The following DENND5A variants were observed in gnomAD, a reference collection of about 807,000 sequenced individuals.
The protein encoded by DENND5A is DENN domain-containing protein 5A.
A neutral mutation model predicts 140.3 loss-of-function variants in DENND5A; 64 were observed. The observed-to-expected ratio is 0.46, with a 90% CI of 0.37 to 0.56. The LOEUF is 0.56. DENND5A is among the 20% of genes least tolerant of loss of function. The pLI, the probability that DENND5A is intolerant of heterozygous loss-of-function variation, is 0.00. For missense variants in DENND5A, 1,292 were observed against 1,593.8 expected (o/e 0.81, Z 3.22); for synonymous variants, 605 against 607.7 (o/e 1.00, Z 0.07).
At chr11:9,167,501 AAAAC>A (rs1397964193) in intron 10 of DENND5A, among the ~76,000 whole-genome samples, 2 of 151,764 alleles carry the variant, frequency 1.3e-5, no homozygotes, top group African/African-American at 2.4e-5. Context: ...AAGAAAAAGA[AAAAC>A]AGCCAGGAGC....
At position 9,150,198 on chromosome 11, in the gene DENND5A, T is replaced by G; in HGVS notation, c.2618A>C (p.Asn873Thr). 1 of 1,613,784 alleles carries G rather than the reference T, an allele frequency of 6.2e-7. No homozygotes were observed. Among genetic ancestry groups the G allele is most frequent in the Non-Finnish European group, 8.5e-7 (1 of 1,179,778 alleles). ...SLIQDMRHIQ[N>T]IGEIKTDVGK... ...CACATCAGTCTTGATTTCCCCGATG[T>G]TCTGGATGTGCCTGGAGGAAGAATG... is the stretch of plus-strand genomic sequence containing the variant. Residue 873 changes from asparagine (N) to threonine (T), a missense_variant, in exon 15 of 23, where the codon AAC (asparagine) becomes ACC (threonine). By Grantham distance (65) the Asn-to-Thr change is moderately conservative. Transcript: ENST00000328194.
At chr11:9,155,796 T>C (rs112077942) in intron 12 of DENND5A, among the ~76,000 whole-genome samples, 1 of 152,234 alleles carries the variant, frequency 6.6e-6, no homozygotes, top group Non-Finnish European at 1.5e-5. Flanking sequence ...TGGAAGCCCA[T>C]CTCCTTGGAA....
chr11:9,147,194 A>C (rs1048308701), intron 15 of DENND5A, 43 bp from the exon 16 acceptor site: 2 of 1,603,556 alleles, frequency 1.2e-6, no homozygotes, highest in Non-Finnish European at 1.7e-6. Flanking sequence ...ACCAAAAGGA[A>C]GGGAAAGAAA....
At chr11:9,153,646 G>A (rs568277867) in intron 12 of DENND5A, among the ~76,000 whole-genome samples, 1 of 152,186 alleles carries the variant, frequency 6.6e-6, no homozygotes, top group East Asian at 1.9e-4. Flanking sequence ...TAAGTTGTTA[G>A]TGCAGGCCAG....
At chr11:9,243,100 AAAAAC>A (rs1329749684) in intron 1 of DENND5A, among the ~76,000 whole-genome samples, 11 of 138,240 alleles carry the variant, frequency 8.0e-5, no homozygotes, top group East Asian at 2.0e-4. Flanking sequence ...AAAAAAAAAA[AAAAAC>A]AAAAAAAAAA....
At chr11:9,153,675 A>G (rs1413267336) in intron 12 of DENND5A, among the ~76,000 whole-genome samples, 1 of 152,188 alleles carries the variant, frequency 6.6e-6, no homozygotes, top group East Asian at 1.9e-4. Context: ...AGTCATCACT[A>G]TAACAAGGAT....
intron 1 of DENND5A, among the ~76,000 whole-genome samples, chr11:9,257,689 A>C (rs186929022): frequency 6.6e-6 from 1 of 150,870 alleles, no homozygotes; most frequent in Non-Finnish European, 1.5e-5. Flanking sequence ...TCACCGTGTT[A>C]GCCAGGATAG....
In DENND5A at chr11:9,204,288, C is replaced by T. The variant is rs761818075; in HGVS notation, c.321G>A (p.Lys107=). ...MLCMPKGLAF[K]TQADPREPQF... ...GGGGCTCCCTGGGATCAGCCTGGGTCTTGAATGCCAGCCCTTTCGGCATAC... is the reference window on the plus strand; with the variant it reads ...GGGGCTCCCTGGGATCAGCCTGGGTTTTGAATGCCAGCCCTTTCGGCATAC... Residue 107 remains lysine, a synonymous_variant, in exon 4 of 23, where the codon AAG becomes AAA. Coordinates refer to ENST00000328194, the MANE Select transcript of DENND5A (RefSeq NM_015213.4). 1.6e-5 allele frequency: 26 copies of T among 1,612,736 alleles called. No individual in the cohort carries two copies. In the Admixed American group the frequency reaches 4.2e-4, roughly 26 times the overall value.
chr11:9,201,466 T>C (rs1849521408), intron 4 of DENND5A, among the ~76,000 whole-genome samples: 1 of 149,780 alleles, frequency 6.7e-6, no homozygotes, highest in Admixed American at 6.6e-5. Context: ...AGCCCAGGAG[T>C]TTGAGACCAG....
chr11:9,177,328 C>T (rs1848578175), intron 8 of DENND5A, among the ~76,000 whole-genome samples: 1 of 150,966 alleles, frequency 6.6e-6, no homozygotes, highest in Admixed American at 6.6e-5. Context: ...ACCTTCCCCT[C>T]TTCTTGCCTC....
intron 5 of DENND5A, among the ~76,000 whole-genome samples, chr11:9,182,779 A>G (rs1169630654): frequency 6.6e-6 from 1 of 152,218 alleles, no homozygotes; most frequent in African/African-American, 2.4e-5. Context: ...GAGGAGGAAT[A>G]GAAAGAGACT....
At chr11:9,199,205 T>G (rs188785864) in intron 4 of DENND5A, among the ~76,000 whole-genome samples, 151 of 151,752 alleles carry the variant, frequency 1.0e-3, no homozygotes, top group African/African-American at 3.6e-3. Context: ...CTGCATATAA[T>G]TTTTAAATAA....
intron 1 of DENND5A, among the ~76,000 whole-genome samples, chr11:9,263,615 G>A (rs1238889975): frequency 6.8e-6 from 1 of 147,792 alleles, no homozygotes; most frequent in Non-Finnish European, 1.5e-5. Flanking sequence ...GGCCGAGGCG[G>A]GTGGATCATG....
At position 9,181,009 on chromosome 11, in the gene DENND5A, A is replaced by G; in HGVS notation, c.1213T>C (p.Leu405=). ...TCAGAGACTTCCTGGACAAACTCCA[A>G]TTTGTTGGGGAACTGTGGCAAGTCC... ...PEDLPQFPNK[L]EFVQEVSEIL... is the part of the protein sequence containing the mutation. Residue 405 remains leucine (L), a synonymous_variant, in exon 6 of 23, where the codon TTG becomes CTG. Transcript: ENST00000328194. The G allele has an allele frequency of 1.2e-6, 2 of 1,614,166 alleles. No homozygotes were observed. Among genetic ancestry groups the G allele is most frequent in the Non-Finnish European group, 1.7e-6 (2 of 1,180,018 alleles).
At chr11:9,261,771 G>C in intron 1 of DENND5A, among the ~76,000 whole-genome samples, 1 of 85,826 alleles carries the variant, frequency 1.2e-5, no homozygotes, top group Non-Finnish European at 2.2e-5. Flanking sequence ...GAGTGAGACT[G>C]TGTCTCAAAA....
intron 1 of DENND5A, among the ~76,000 whole-genome samples, chr11:9,264,474 T>G (rs1852352827): frequency 6.6e-6 from 1 of 152,078 alleles, no homozygotes; most frequent in Non-Finnish European, 1.5e-5. Flanking sequence ...GCAATCTGAC[T>G]CAGGGGGCCC....
At chr11:9,162,032 G>A (rs928749042) in intron 11 of DENND5A, among the ~76,000 whole-genome samples, 22 of 151,212 alleles carry the variant, frequency 1.5e-4, no homozygotes, top group Admixed American at 5.9e-4. Context: ...TCAAAAGTAA[G>A]ATTTAACTAT....
chr11:9,261,164 G>A (rs1852181379), intron 1 of DENND5A, among the ~76,000 whole-genome samples: 2 of 152,066 alleles, frequency 1.3e-5, no homozygotes, highest in Non-Finnish European at 2.9e-5. Context: ...ATGTTTATTT[G>A]TTGCAGACAG....
intron 1 of DENND5A, among the ~76,000 whole-genome samples, chr11:9,254,372 C>A (rs1046814118): frequency 2.0e-5 from 3 of 152,050 alleles, no homozygotes; most frequent in African/African-American, 7.2e-5. Flanking sequence ...AGAAATTTAG[C>A]TTGTATTTTA....
Sources: allele counts gnomAD v4.1 joint callset (sites outside exome capture counted in the v4.1 genomes callset), GRCh38; gene constraint gnomAD v4.1.1; transcripts MANE v1.5; gene names NCBI Gene and HGNC (gene_info 2026-07-23, HGNC 2026-07-21).